The following TFAP2D variants were observed in gnomAD, a reference collection of about 807,000 sequenced individuals.
TFAP2D encodes transcription factor AP-2-delta.
Under a neutral mutation model 43.6 loss-of-function variants are expected in TFAP2D, and 9 were observed. That is an observed-to-expected ratio of 0.21 (90% CI 0.12 to 0.36). The LOEUF is 0.36. TFAP2D is among the 10% of genes least tolerant of loss of function. TFAP2D has a pLI of 1.00. For synonymous variants in TFAP2D, 256 were observed against 224.9 expected (o/e 1.14, Z -1.24); for missense variants, 513 against 561.4 (o/e 0.91, Z 0.87).
At chr6:50,723,263 G>T (rs890384027) in intron 3 of TFAP2D, among the ~76,000 whole-genome samples, 4 of 152,210 alleles carry the variant, frequency 2.6e-5, no homozygotes, top group South Asian at 4.1e-4. Context: ...GGACCTGATC[G>T]CTTTTCCCTT....
At chr6:50,746,008 C>T (rs926586294) in intron 6 of TFAP2D, among the ~76,000 whole-genome samples, 4 of 152,022 alleles carry the variant, frequency 2.6e-5, no homozygotes, top group African/African-American at 9.7e-5. Flanking sequence ...CCAGCAGAAC[C>T]GCAGATAGCA....
intron 2 of TFAP2D, 47 bp from the exon 3 acceptor site, chr6:50,719,043 A>G (rs202217887): frequency 4.8e-4 from 765 of 1,581,796 alleles, no homozygotes; most frequent in Non-Finnish European, 6.1e-4. Flanking sequence ...GTGGTCATGC[A>G]TATGAGTATC....
chr6:50,762,109 TA>T (rs1180250252), intron 7 of TFAP2D, among the ~76,000 whole-genome samples: 1 of 152,074 alleles, frequency 6.6e-6, no homozygotes, highest in Non-Finnish European at 1.5e-5. Flanking sequence ...AAGAAAGGAT[TA>T]AAGTGTATTT....
intron 5 of TFAP2D, among the ~76,000 whole-genome samples, chr6:50,735,636 A>G (rs1768951863): frequency 6.6e-6 from 1 of 152,158 alleles, no homozygotes; most frequent in African/African-American, 2.4e-5. Context: ...TAGTTACAAG[A>G]TTCCCCTACA....
chr6:50,751,825 A>C (rs1769205172), intron 7 of TFAP2D, among the ~76,000 whole-genome samples: 1 of 151,972 alleles, frequency 6.6e-6, no homozygotes, highest in Non-Finnish European at 1.5e-5. Flanking sequence ...TTAAAATTCC[A>C]AGCTTGTAAA....
At chr6:50,735,012 C>T (rs896023817) in intron 5 of TFAP2D, among the ~76,000 whole-genome samples, 6 of 152,096 alleles carry the variant, frequency 3.9e-5, no homozygotes, top group Non-Finnish European at 8.8e-5. Context: ...AGGGAAGACA[C>T]ATAACTTGTC....
At chr6:50,762,398 C>A (rs1769375295) in intron 7 of TFAP2D, among the ~76,000 whole-genome samples, 1 of 151,910 alleles carries the variant, frequency 6.6e-6, no homozygotes, top group Admixed American at 6.6e-5. Context: ...CACAAACACA[C>A]TACACACACG....
chr6:50,730,252 G>A (rs1370176631), intron 5 of TFAP2D, among the ~76,000 whole-genome samples: 1 of 152,112 alleles, frequency 6.6e-6, no homozygotes, highest in African/African-American at 2.4e-5. Context: ...ACAACACTGA[G>A]AAGTAGTGTG....
intron 3 of TFAP2D, 55 bp from the exon 4 acceptor site, chr6:50,728,801 T>C (rs781132156): frequency 3.9e-6 from 6 of 1,548,272 alleles, no homozygotes; most frequent in African/African-American, 1.4e-5. Flanking sequence ...CTGCCTCTCA[T>C]GCAGTTAGCT....
At chr6:50,725,374 C>G (rs919019174) in intron 3 of TFAP2D, among the ~76,000 whole-genome samples, 3 of 152,130 alleles carry the variant, frequency 2.0e-5, no homozygotes, top group Non-Finnish European at 4.4e-5. Context: ...TGCAGCATCA[C>G]TGAAAATAGA....
At position 50,758,193 on chromosome 6, in the gene TFAP2D, A is replaced by G. The variant is rs900900133; in HGVS notation, c.1139+6869A>G. 5.9e-5 allele frequency among the ~76,000 whole-genome samples: 9 copies of G among 151,914 alleles called. No homozygotes were observed. The South Asian group carries it at 1.9e-3, about 31-fold the overall frequency. ...TACTGCCTTGGGAAATAAGGAATGTATAGACAGTCCCAGACATTTGTGTGC... is the reference window on the plus strand; with the variant it reads ...TACTGCCTTGGGAAATAAGGAATGTGTAGACAGTCCCAGACATTTGTGTGC... On this transcript the variant is annotated intron_variant, in intron 7 of 7. Coordinates refer to ENST00000008391, the MANE Select transcript of TFAP2D (RefSeq NM_172238.4).
intron 1 of TFAP2D, among the ~76,000 whole-genome samples, chr6:50,714,676 T>C (rs1768584552): frequency 6.6e-6 from 1 of 152,198 alleles, no homozygotes; most frequent in African/African-American, 2.4e-5. Flanking sequence ...GGGGTCTAGT[T>C]AGAGTGGCAA....
intron 7 of TFAP2D, among the ~76,000 whole-genome samples, chr6:50,755,964 A>C (rs1187861051): frequency 6.6e-6 from 1 of 151,750 alleles, no homozygotes; most frequent in African/African-American, 2.4e-5. Context: ...TGTCTCACGT[A>C]CCCTAGACTT....
chr6:50,733,291 G>A lies in TFAP2D; in HGVS notation c.883+3979G>A, dbSNP rs182230435. On this transcript the variant is annotated intron_variant, in intron 5 of 7. Coordinates refer to ENST00000008391, the MANE Select transcript of TFAP2D (RefSeq NM_172238.4). ...TCAACTCATATGTCTTCATCTAAGT[G>A]GTTTAAATCTATAGGTAATAATTAG... 2.6e-3 allele frequency among the ~76,000 whole-genome samples: 395 copies of A among 152,046 alleles called. 7 individuals carry two copies. Among genetic ancestry groups the A allele is most frequent in the Admixed American group, 3.5e-3 (53 of 15,244 alleles).
In TFAP2D at chr6:50,719,133, G is replaced by T; in HGVS notation, c.581G>T (p.Gly194Val). ...AQCGLVLNGQ[G>V]GVIRRGGTCV... is the part of the protein sequence containing the mutation. The stretch of plus-strand genomic sequence containing the variant: ...TGTGGGCTTGTTCTCAATGGCCAAG[G>T]TGGAGTGATAAGAAGAGGTAAGTAA... The change falls in exon 3 of 8, where the codon GGT (glycine) becomes GTT (valine). Residue 194 changes from glycine (G) to valine (V), a missense_variant. Transcript: ENST00000008391. The T allele has an allele frequency of 6.2e-7, 1 of 1,614,014 alleles. No homozygotes were observed. Among genetic ancestry groups the T allele is most frequent in the Non-Finnish European group, 8.5e-7 (1 of 1,179,920 alleles).
At chr6:50,743,039 C>T (rs1769075672) in intron 5 of TFAP2D, among the ~76,000 whole-genome samples, 1 of 150,414 alleles carries the variant, frequency 6.6e-6, no homozygotes, top group Non-Finnish European at 1.5e-5. Context: ...TATTTTCTTA[C>T]CTTAAACTGT....
chr6:50,746,374 A>G (rs766851238), intron 6 of TFAP2D, among the ~76,000 whole-genome samples: 2 of 151,874 alleles, frequency 1.3e-5, no homozygotes, highest in African/African-American at 2.4e-5. Context: ...AGTAGCTGAG[A>G]CTACAGGCAT....
intron 3 of TFAP2D, 48 bp downstream of exon 3, chr6:50,719,198 C>T (rs746541728): frequency 3.7e-5 from 59 of 1,576,698 alleles, no homozygotes; most frequent in Non-Finnish European, 5.0e-5. Flanking sequence ...CTTCTCCTAT[C>T]TCTTACTTTG....
intron 5 of TFAP2D, among the ~76,000 whole-genome samples, chr6:50,744,725 T>C (rs1278695583): frequency 6.6e-6 from 1 of 152,162 alleles, no homozygotes; most frequent in Non-Finnish European, 1.5e-5. Context: ...TAAGAATAGG[T>C]TGTAGGCTCA....
Sources: allele counts gnomAD v4.1 joint callset (sites outside exome capture counted in the v4.1 genomes callset), GRCh38; gene constraint gnomAD v4.1.1; transcripts MANE v1.5; gene names NCBI Gene and HGNC (gene_info 2026-07-23, HGNC 2026-07-21).